The following LARGE1 variants were observed in gnomAD, a reference collection of about 807,000 sequenced individuals.
The protein encoded by LARGE1 is xylosyl- and glucuronyltransferase LARGE1.
LARGE1 carries 43 observed loss-of-function variants against 87.6 expected under a neutral mutation model. The ratio of observed to expected loss-of-function variants is 0.49; its 90% CI spans 0.38 to 0.63. The LOEUF (loss-of-function observed/expected upper bound fraction) is 0.63. Ranked by LOEUF, LARGE1 falls within the 30% of genes least tolerant of loss-of-function variation. The pLI, the probability that LARGE1 is intolerant of heterozygous loss-of-function variation, is 0.00. For missense variants in LARGE1, 802 were observed against 1,000.2 expected (o/e 0.80, Z 2.67); for synonymous variants, 434 against 394.6 (o/e 1.10, Z -1.18).
chr22:33,547,013 T>G (rs1415555165), intron 6 of LARGE1, among the ~76,000 whole-genome samples: 2 of 152,058 alleles, frequency 1.3e-5, no homozygotes, highest in Non-Finnish European at 2.9e-5. Flanking sequence ...ACTTGCCAGT[T>G]AGAAGATTTT....
intron 7 of LARGE1, among the ~76,000 whole-genome samples, chr22:33,419,927 C>T (rs1463219324): frequency 2.0e-5 from 3 of 152,122 alleles, no homozygotes; most frequent in Non-Finnish European, 4.4e-5. Flanking sequence ...CTCCTGACCT[C>T]AAGTGATCCA....
rs553137195 is a variant in LARGE1, at chr22:33,710,763, C to T, written c.106+50608G>A. On this transcript the variant is annotated intron_variant, in intron 2 of 14. Transcript: ENST00000397394. ...GGCAGGTACATCGATCCAAGTGTAA[C>T]GGAGTCGTCCTACACATTAGAGAAG... Among the ~76,000 whole-genome samples, 134 of 152,214 alleles carry T rather than the reference C, an allele frequency of 8.8e-4. 1 individual carries two copies. Among genetic ancestry groups the T allele is most frequent in the Admixed American group, 3.0e-3 (46 of 15,296 alleles).
rs934600763 is a variant in LARGE1 at position 33,427,965 on chromosome 22, C to T, written c.892+4196G>A. 7.2e-5 allele frequency among the ~76,000 whole-genome samples: 11 copies of T among 152,280 alleles called. 1 individual carries two copies. Among genetic ancestry groups the T allele is most frequent in the African/African-American group, 1.4e-4 (6 of 41,562 alleles). On this transcript the variant is annotated intron_variant, in intron 7 of 14. Transcript: ENST00000397394. Reference sequence around the variant, plus strand: ...AAAACACAGCGAGGAAGCTGATATGCGAACTAAATAGTCATTTTTTTTCCT... The same window carrying T: ...AAAACACAGCGAGGAAGCTGATATGTGAACTAAATAGTCATTTTTTTTCCT...
chr22:33,304,256 G>A lies in LARGE1; in HGVS notation c.1703C>T (p.Pro568Leu). 1 of 1,614,246 alleles carries A rather than the reference G, an allele frequency of 6.2e-7. No homozygotes were observed. Among genetic ancestry groups the A allele is most frequent in the South Asian group, 1.1e-5 (1 of 91,082 alleles). ...YMFLSDIDFL[P>L]MYGLYEYLRK... Reference sequence around the variant, plus strand: ...GAGGTACTCATAGAGCCCATACATGGGCAGGAAGTCAATGTCAGACAGGAA... The same window carrying A: ...GAGGTACTCATAGAGCCCATACATGAGCAGGAAGTCAATGTCAGACAGGAA... The change falls in exon 12 of 15, where the codon CCC becomes CTC. Residue 568 changes from proline (P) to leucine (L), a missense_variant. Pro to Leu is a moderately conservative substitution (Grantham distance 98). This residue lies in a region of LARGE1 where 625 missense variants were observed against 841.9 expected (regional missense o/e 0.74). Transcript: ENST00000397394.
chr22:33,302,645 T>G (rs983816615), intron 12 of LARGE1, among the ~76,000 whole-genome samples: 2 of 152,054 alleles, frequency 1.3e-5, no homozygotes. Context: ...AGAAAGATAC[T>G]AAGAGACAGA....
chr22:33,687,284 C>T (rs1168990668), intron 2 of LARGE1, among the ~76,000 whole-genome samples: 2 of 151,884 alleles, frequency 1.3e-5, no homozygotes, highest in Non-Finnish European at 2.9e-5. Flanking sequence ...CGTGTGCCAC[C>T]GTGCATGGCC....
In LARGE1 at chr22:33,816,689, T is replaced by TAGACAGAC. The variant is rs1226644906; in HGVS notation, c.-82-55139_-82-55132dup. Among the ~76,000 whole-genome samples the TAGACAGAC allele has an allele frequency of 1.7e-3, 223 of 132,474 alleles. 1 individual carries two copies. Among genetic ancestry groups the TAGACAGAC allele is most frequent in the Middle Eastern group, 7.9e-3 (2 of 252 alleles). 86.9% of individuals were successfully genotyped at this position (132,474 alleles called of 152,430 possible). On this transcript the variant is annotated intron_variant, in intron 1 of 14. Coordinates refer to ENST00000397394, the MANE Select transcript of LARGE1 (RefSeq NM_133642.5). Reference sequence around the variant, plus strand: ...ACGGATGGATGGATAGATAGATAGATAGACAGACAGACAGACAGACAGACA... The same window carrying TAGACAGAC: ...ACGGATGGATGGATAGATAGATAGATAGACAGACAGACAGACAGACAGACAGACAGACA...
At chr22:33,674,315 A>C (rs150072500) in intron 2 of LARGE1, among the ~76,000 whole-genome samples, 1 of 151,838 alleles carries the variant, frequency 6.6e-6, no homozygotes, top group Non-Finnish European at 1.5e-5. Flanking sequence ...GACTTTGACA[A>C]CTCTAGGAAC....
chr22:33,904,468 T>G (rs2065377254), intron 1 of LARGE1, among the ~76,000 whole-genome samples: 1 of 152,146 alleles, frequency 6.6e-6, no homozygotes, highest in Admixed American at 6.5e-5. Flanking sequence ...CCAGGACTTT[T>G]GCCAGATGTA....
At chr22:33,564,815 A>G (rs375167529) in intron 6 of LARGE1, 33 bp downstream of exon 6, 126 of 1,611,932 alleles carry the variant, frequency 7.8e-5, no homozygotes, top group Non-Finnish European at 1.0e-4. Context: ...ACCTACAAGG[A>G]TATCGGGGAA....
chr22:33,637,204 T>G (rs957693144), intron 3 of LARGE1, among the ~76,000 whole-genome samples: 40 of 152,308 alleles, frequency 2.6e-4, no homozygotes, highest in African/African-American at 9.6e-4. Flanking sequence ...GGTGAGACAC[T>G]TGACTCATCA....
chr22:33,657,753 C>T (rs564329145), intron 2 of LARGE1, among the ~76,000 whole-genome samples: 3 of 152,118 alleles, frequency 2.0e-5, no homozygotes, highest in Non-Finnish European at 4.4e-5. Context: ...ATTTCCACCA[C>T]GTTTGCAGTC....
intron 11 of LARGE1, among the ~76,000 whole-genome samples, chr22:33,220,448 C>A (rs563127491): frequency 1.3e-5 from 2 of 151,890 alleles, no homozygotes; most frequent in South Asian, 4.1e-4. Context: ...AGTCAGCATA[C>A]GAGGGGGAAA....
chr22:33,893,849 T>C (rs146899987), intron 1 of LARGE1, among the ~76,000 whole-genome samples: 1 of 152,200 alleles, frequency 6.6e-6, no homozygotes, highest in Non-Finnish European at 1.5e-5. Context: ...CAAAAGGCAG[T>C]CCATGCAGGC....
At chr22:33,387,525 T>TTG (rs149201218) in intron 7 of LARGE1, among the ~76,000 whole-genome samples, 1 of 110,470 alleles carries the variant, frequency 9.1e-6, no homozygotes, top group African/African-American at 3.3e-5. Context: ...TATTAAAAAA[T>TTG]GGGGGGGGGG....
intron 1 of LARGE1, among the ~76,000 whole-genome samples, chr22:33,782,506 A>C (rs945674305): frequency 6.6e-6 from 1 of 152,246 alleles, no homozygotes; most frequent in African/African-American, 2.4e-5. Context: ...TTGTTGTTTT[A>C]CATCAGTGAC....
intron 6 of LARGE1, among the ~76,000 whole-genome samples, chr22:33,443,722 C>T (rs944195783): frequency 6.6e-6 from 1 of 152,206 alleles, no homozygotes; most frequent in African/African-American, 2.4e-5. Context: ...ACTTAATTTA[C>T]AGTTTAAGAC....
At chr22:33,300,558 TG>T (rs1340975407) in intron 12 of LARGE1, among the ~76,000 whole-genome samples, 2 of 152,152 alleles carry the variant, frequency 1.3e-5, no homozygotes, top group Non-Finnish European at 2.9e-5. Context: ...TTCTTTTTTT[TG>T]GAGATGGAGT....
At chr22:33,494,732 A>G (rs375567592) in intron 6 of LARGE1, among the ~76,000 whole-genome samples, 1 of 152,210 alleles carries the variant, frequency 6.6e-6, no homozygotes, top group Non-Finnish European at 1.5e-5. Flanking sequence ...CAAAGCCACT[A>G]GGTTACTTGG....
Sources: allele counts gnomAD v4.1 joint callset (sites outside exome capture counted in the v4.1 genomes callset), GRCh38; gene constraint gnomAD v4.1.1; regional missense constraint gnomAD v4.1.1; transcripts MANE v1.5; gene names NCBI Gene and HGNC (gene_info 2026-07-23, HGNC 2026-07-21).